OTOF: variants seen among roughly 807,000 people sequenced by gnomAD.
OTOF encodes the protein fer-1-like family member 2.
In OTOF, 218 loss-of-function variants were observed where a neutral mutation model predicts 236.8. That is an observed-to-expected ratio of 0.92 (90% CI 0.82 to 1.03). The LOEUF (loss-of-function observed/expected upper bound fraction) is 1.03, where lower values mean the gene tolerates loss of function less well. Ranked by LOEUF, OTOF falls within the 50% of genes least tolerant of loss-of-function variation. The pLI is 0.00. For synonymous variants in OTOF, 1,041 were observed against 1,072.5 expected, an observed-to-expected ratio of 0.97 and a Z score of 0.57; for missense variants, 2,590 against 2,694.4, an observed-to-expected ratio of 0.96 and a Z score of 0.86.
chr2:26,556,102 C>A (rs1013893382), intron 1 of OTOF, among the ~76,000 whole-genome samples: 2 of 152,222 alleles, frequency 1.3e-5, no homozygotes, highest in Non-Finnish European at 2.9e-5. Context: ...CTCTGGCCTA[C>A]CTAGGGCCAC....
intron 14 of OTOF, 147 bp from the exon 15 acceptor site, chr2:26,481,156 C>G: frequency 1.5e-6 from 1 of 655,092 alleles, no homozygotes; most frequent in Non-Finnish European, 2.8e-6. Flanking sequence ...GGGCAGCCTT[C>G]TTACACTGCG....
In OTOF at chr2:26,461,540, TG is replaced by T. The variant is rs1226168565; in HGVS notation, c.5533+155del. On this transcript the variant is annotated intron_variant, in intron 43 of 46. Transcript: ENST00000272371. This position sits in a 1 kb window ranked among gnomAD's most constrained non-coding sequence, Gnocchi z 6.2. ...GCCTAGGGACGGTTAGGTGGGTCCT[TG>T]GGGGCGGAACCCCGTCGGACACCCC... Among the ~76,000 whole-genome samples, 2 of 151,904 alleles carry T rather than the reference TG, an allele frequency of 1.3e-5. No homozygotes were observed. Among genetic ancestry groups the T allele is most frequent in the Non-Finnish European group, 2.9e-5 (2 of 67,950 alleles).
rs900970607 is a variant in OTOF at position 26,473,911 on chromosome 2, A to T, written c.3408+80T>A. On this transcript the variant is annotated intron_variant, in intron 27 of 46. Transcript: ENST00000272371. The surrounding 1 kb of genome is among the most constrained non-coding windows in gnomAD (Gnocchi z 7.2). ...GCTGGCTCCTGGTGATGGTGGTGGGAGGGGGATGACAAGCCACTTCCCCTC... is the reference window on the plus strand; with the variant it reads ...GCTGGCTCCTGGTGATGGTGGTGGGTGGGGGATGACAAGCCACTTCCCCTC... 1 of 1,564,810 alleles carries T rather than the reference A, an allele frequency of 6.4e-7. No individual in the cohort carries two copies. Among genetic ancestry groups the T allele is most frequent in the Admixed American group, 1.7e-5 (1 of 59,844 alleles).
At chr2:26,535,478 C>G (rs1297972359) in intron 2 of OTOF, among the ~76,000 whole-genome samples, 1 of 152,160 alleles carries the variant, frequency 6.6e-6, no homozygotes, top group Non-Finnish European at 1.5e-5. Context: ...TGCATCCTTG[C>G]TCCCCACCCC....
intron 1 of OTOF, among the ~76,000 whole-genome samples, chr2:26,538,598 C>T (rs956673309): frequency 3.3e-5 from 5 of 152,300 alleles, no homozygotes; most frequent in African/African-American, 9.6e-5. Context: ...AGGAGAGAAT[C>T]GAGGGCAGGT....
chr2:26,504,761 A>G (rs996114351), intron 5 of OTOF, among the ~76,000 whole-genome samples: 2 of 152,164 alleles, frequency 1.3e-5, no homozygotes, highest in African/African-American at 4.8e-5. Flanking sequence ...AGCAGAGGGT[A>G]AAGTGCAGTG....
intron 24 of OTOF, 104 bp downstream of exon 24, chr2:26,475,810 C>CCAGTCCCCACAGGCTCA: frequency 6.9e-7 from 1 of 1,442,704 alleles, no homozygotes; most frequent in Non-Finnish European, 9.4e-7. Flanking sequence ...ACCTGTGGCT[C>CCAGTCCCCACAGGCTCA]CAGGCCCCAC....
At chr2:26,526,130 T>TGGA (rs70950195) in intron 3 of OTOF, among the ~76,000 whole-genome samples, 94,375 of 142,268 alleles carry the variant, frequency 0.66, 36,035 homozygotes, top group Non-Finnish European at 0.83. Context: ...GGTGGAAGGA[T>TGGA]GGATGAATGG....
chr2:26,509,864 C>T (rs13006991), intron 5 of OTOF, among the ~76,000 whole-genome samples: 55,455 of 152,002 alleles, frequency 0.36, 10,784 homozygotes, highest in Middle Eastern at 0.49. Flanking sequence ...AGTCAGCTTC[C>T]CTGTCTTCTG....
chr2:26,548,652 C>G (rs1350446556), intron 1 of OTOF, among the ~76,000 whole-genome samples: 1 of 152,174 alleles, frequency 6.6e-6, no homozygotes, highest in Non-Finnish European at 1.5e-5. Flanking sequence ...TTTACTGTAT[C>G]TTTTCTATGT....
chr2:26,487,392 C>A (rs1170975457), intron 11 of OTOF, among the ~76,000 whole-genome samples: 1 of 152,154 alleles, frequency 6.6e-6, no homozygotes, highest in Non-Finnish European at 1.5e-5. Context: ...AGCAGCAAAT[C>A]TCGAGCTAGG....
intron 46 of OTOF, 52 bp from the exon 47 acceptor site, chr2:26,458,272 CA>C: frequency 6.6e-7 from 1 of 1,519,394 alleles, no homozygotes; most frequent in Non-Finnish European, 8.9e-7. Context: ...AGCTGCCTCC[CA>C]GTGCACCCCA....
rs150580671 is a variant in OTOF, at chr2:26,532,092, CAAAAAAA to C, written c.139-4179_139-4173del. On this transcript the variant is annotated intron_variant, in intron 2 of 46. Coordinates refer to ENST00000272371, the MANE Select transcript of OTOF (RefSeq NM_194248.3). ...TGGGTGACAGAGTAAGACTCCACCT[CAAAAAAA>C]AAAAAAAAAAAAAAAAGACTGAAGG... Among the ~76,000 whole-genome samples the C allele has an allele frequency of 5.6e-3, 453 of 80,194 alleles. 3 individuals are homozygous for C. The highest frequency in any genetic ancestry group is 0.026 in the African/African-American group (419 of 15,822). 52.6% of individuals were successfully genotyped at this position (80,194 alleles called of 152,430 possible).
chr2:26,527,212 C>T (rs916785011), intron 3 of OTOF, among the ~76,000 whole-genome samples: 1 of 152,344 alleles, frequency 6.6e-6, no homozygotes. Flanking sequence ...ACACAATCGA[C>T]GCTTAGTAAA....
In OTOF at chr2:26,495,161, G is replaced by T. The variant is rs923417461; in HGVS notation, c.766-88C>A. 9.5e-6 allele frequency: 14 copies of T among 1,479,976 alleles called. No homozygotes were observed. In the South Asian group the frequency reaches 1.5e-4, roughly 16 times the overall value. The allele number at this position is 1,479,976 out of a possible 1,614,324, so 91.7% of individuals were successfully genotyped here. On this transcript the variant is annotated intron_variant, in intron 8 of 46. Transcript: ENST00000272371. Reference sequence around the variant, plus strand: ...AGGGGTCCAGGGGCTGGGGCAGCAGGGTCAGAGGGAGGGCCCGGGAGCCAG... The same window carrying T: ...AGGGGTCCAGGGGCTGGGGCAGCAGTGTCAGAGGGAGGGCCCGGGAGCCAG...
Position 26,484,585 on chromosome 2 carries a change from A to G in OTOF, c.1094T>C (p.Ile365Thr). 6.2e-7 allele frequency: 1 copy of G among 1,613,760 alleles called. No homozygotes were observed. The highest frequency in any genetic ancestry group is 8.5e-7 in the Non-Finnish European group (1 of 1,179,956). ...KWAILSDPDD[I>T]SSGLKGYVKC... is the part of the protein sequence containing the mutation. ...CACGTAGCCCTTCAGCCCCGAGGAGATGTCATCGGGGTCAGACAGGATGGC... is the reference window on the plus strand; with the variant it reads ...CACGTAGCCCTTCAGCCCCGAGGAGGTGTCATCGGGGTCAGACAGGATGGC... Residue 365 changes from isoleucine (I) to threonine (T), a missense_variant, in exon 12 of 47, where the codon ATC becomes ACC. By Grantham distance (89) the Ile-to-Thr change is moderately conservative. This residue lies in a region of OTOF where 1,379 missense variants were observed against 1,341.6 expected (regional missense o/e 1.03). Transcript: ENST00000272371.
chr2:26,492,760 C>A (rs1024957977), intron 9 of OTOF, among the ~76,000 whole-genome samples: 17 of 152,178 alleles, frequency 1.1e-4, no homozygotes, highest in African/African-American at 4.1e-4. Flanking sequence ...AACCTCAACT[C>A]CAGGACATTA....
At chr2:26,471,793 G>A (rs1664987511) in intron 30 of OTOF, among the ~76,000 whole-genome samples, 1 of 152,030 alleles carries the variant, frequency 6.6e-6, no homozygotes, top group South Asian at 2.1e-4. Flanking sequence ...AAGCATGCAT[G>A]CACACATATA....
At chr2:26,512,185 G>C (rs1043904029) in intron 5 of OTOF, among the ~76,000 whole-genome samples, 3 of 152,340 alleles carry the variant, frequency 2.0e-5, no homozygotes, top group Admixed American at 6.5e-5. Flanking sequence ...GAGGGCAGGA[G>C]AGCCAGGCCA....
Sources: allele counts gnomAD v4.1 joint callset (sites outside exome capture counted in the v4.1 genomes callset), GRCh38; gene constraint gnomAD v4.1.1; regional missense constraint gnomAD v4.1.1; non-coding constraint Gnocchi (gnomAD v3.1); transcripts MANE v1.5; gene names NCBI Gene and HGNC (gene_info 2026-07-23, HGNC 2026-07-21).